ZCCHC2: variants seen among roughly 807,000 people sequenced by gnomAD.
The protein encoded by ZCCHC2 is zinc finger CCHC domain-containing protein 2.
In ZCCHC2, 39 loss-of-function variants were observed where a neutral mutation model predicts 103.6. The observed-to-expected ratio is 0.38, with a 90% CI of 0.29 to 0.49. The LOEUF is 0.49. Among genes scored for constraint, ZCCHC2 ranks in the 20% least tolerant of loss-of-function variants. The probability of loss-of-function intolerance (pLI) is 0.96; values close to 1 mark genes in which losing one functional copy is unlikely to be tolerated. For synonymous variants in ZCCHC2, 687 were observed against 608.9 expected, an observed-to-expected ratio of 1.13 and a Z score of -1.89; for missense variants, 1,483 against 1,491.0, an observed-to-expected ratio of 0.99 and a Z score of 0.09.
chr18:62,523,563 C>G lies in ZCCHC2; in HGVS notation c.139C>G (p.Pro47Ala). ...CCGCGACTGCCGCCCCCCGCCGCCGCCGCCGCCGCCCGCGGGCCCGTCGCG... is the reference window on the plus strand; with the variant it reads ...CCGCGACTGCCGCCCCCCGCCGCCGGCGCCGCCGCCCGCGGGCCCGTCGCG... ...RRRDCRPPPP[P>A]PPPAGPSRGP... Residue 47 changes from proline (P) to alanine (A), a missense_variant, in exon 1 of 14, where the codon CCG becomes GCG. By Grantham distance (27) the Pro-to-Ala change is conservative (BLOSUM62 -1). This residue lies in a region of ZCCHC2 where 568 missense variants were observed against 525.1 expected (regional missense o/e 1.08). Coordinates refer to ENST00000269499, the MANE Select transcript of ZCCHC2 (RefSeq NM_017742.6). 1.0e-6 allele frequency: 1 copy of G among 958,354 alleles called. No individual in the cohort carries two copies. Among genetic ancestry groups the G allele is most frequent in the East Asian group, 1.2e-4 (1 of 8,330 alleles). 59.4% of individuals were successfully genotyped at this position (958,354 alleles called of 1,614,324 possible).
At chr18:62,541,730 T>G (rs1915191840) in intron 2 of ZCCHC2, among the ~76,000 whole-genome samples, 1 of 152,204 alleles carries the variant, frequency 6.6e-6, no homozygotes, top group Non-Finnish European at 1.5e-5. Context: ...CTTTGTAGAT[T>G]GGCTCTTTTG....
At chr18:62,544,261 A>G (rs1418544853) in intron 3 of ZCCHC2, among the ~76,000 whole-genome samples, 6 of 152,196 alleles carry the variant, frequency 3.9e-5, no homozygotes, top group Non-Finnish European at 8.8e-5. Context: ...CTCCATCTCA[A>G]AATGGAAGTC....
intron 11 of ZCCHC2, among the ~76,000 whole-genome samples, chr18:62,567,476 A>G (rs938268477): frequency 6.6e-6 from 1 of 152,258 alleles, no homozygotes; most frequent in Non-Finnish European, 1.5e-5. Context: ...TGTAGCTCAG[A>G]ATTTCAAAAG....
intron 1 of ZCCHC2, among the ~76,000 whole-genome samples, chr18:62,533,504 G>T (rs1285700267): frequency 2.0e-5 from 3 of 151,932 alleles, no homozygotes; most frequent in Non-Finnish European, 4.4e-5. Context: ...CAACCAGGGT[G>T]ACAGAGTCAG....
At chr18:62,562,982 A>G (rs755038763) in intron 8 of ZCCHC2, 27 bp from the exon 9 acceptor site, 4 of 1,592,008 alleles carry the variant, frequency 2.5e-6, no homozygotes, top group Non-Finnish European at 3.4e-6. Flanking sequence ...GCAGATTTTC[A>G]CACTTTCATA....
At chr18:62,529,109 G>C (rs1355839025) in intron 1 of ZCCHC2, among the ~76,000 whole-genome samples, 2 of 136,370 alleles carry the variant, frequency 1.5e-5, no homozygotes, top group Admixed American at 1.7e-4. Context: ...GTAGTCAGCC[G>C]AGATCACGCC....
intron 8 of ZCCHC2, among the ~76,000 whole-genome samples, chr18:62,561,033 G>A (rs762699939): frequency 2.6e-5 from 4 of 152,136 alleles, no homozygotes; most frequent in Admixed American, 2.0e-4. Context: ...CTTGTAAGCC[G>A]TGGCTGTCAT....
chr18:62,552,479 G>C (rs1915706640), intron 5 of ZCCHC2: 1 of 152,226 alleles, frequency 6.6e-6, no homozygotes, highest in African/African-American at 2.4e-5. Context: ...CATTACACTA[G>C]GTATTTATGG....
At chr18:62,564,761 T>C in intron 10 of ZCCHC2, 126 bp downstream of exon 10, 1 of 830,630 alleles carries the variant, frequency 1.2e-6, no homozygotes, top group Non-Finnish European at 1.8e-6. Context: ...GGTTTTACTC[T>C]TTTGGTTCAA....
intron 5 of ZCCHC2, chr18:62,552,022 G>C (rs1239493582): frequency 6.6e-6 from 1 of 152,188 alleles, no homozygotes; most frequent in African/African-American, 2.4e-5. Context: ...CTGAAAAGAA[G>C]GGGATGAGTG....
intron 1 of ZCCHC2, among the ~76,000 whole-genome samples, chr18:62,532,296 C>T (rs1914716273): frequency 6.6e-6 from 1 of 152,200 alleles, no homozygotes; most frequent in South Asian, 2.1e-4. Flanking sequence ...TACTTGATGA[C>T]CTTGATCGTC....
intron 14 of ZCCHC2, among the ~76,000 whole-genome samples, chr18:62,583,667 A>ACCC (rs71893758): frequency 2.6e-4 from 39 of 147,310 alleles, no homozygotes; most frequent in African/African-American, 8.6e-4. Context: ...AAAAATACTG[A>ACCC]CCCCCCCCTC....
intron 2 of ZCCHC2, among the ~76,000 whole-genome samples, chr18:62,541,797 T>C (rs1915195923): frequency 6.6e-6 from 1 of 152,152 alleles, no homozygotes. Flanking sequence ...AAATGGATAG[T>C]TGGGGGATTT....
intron 2 of ZCCHC2, 127 bp downstream of exon 2, chr18:62,539,919 C>A (rs1254265270): frequency 4.1e-6 from 3 of 738,710 alleles, no homozygotes; most frequent in Admixed American, 5.3e-5. Flanking sequence ...TGGTCCTAGG[C>A]TTCACTCAAG....
Position 62,523,234 on chromosome 18 carries a change from A to G in ZCCHC2, c.-191A>G. ...CACGCCCCGCCCCCAGCCCGGGAAG[A>G]CGACGCCAGCGACCCCGCCGGCCGG... On this transcript the variant is annotated 5_prime_UTR_variant, in exon 1 of 14. Transcript: ENST00000269499. 3.3e-6 allele frequency: 1 copy of G among 299,706 alleles called. No homozygotes were observed. The highest frequency in any genetic ancestry group is 4.9e-6 in the Non-Finnish European group (1 of 203,888). The allele number at this position is 299,706 out of a possible 1,614,324, so 18.6% of individuals were successfully genotyped here. A position where few individuals can be genotyped will look rare whatever the true frequency, so the allele number is the denominator to read the frequency against.
intron 2 of ZCCHC2, among the ~76,000 whole-genome samples, chr18:62,542,164 G>A (rs1173282361): frequency 6.6e-6 from 1 of 152,064 alleles, no homozygotes; most frequent in African/African-American, 2.4e-5. Context: ...ATAACAAGTT[G>A]GAAGATTATC....
chr18:62,568,204 G>C (rs1025008918), intron 11 of ZCCHC2, among the ~76,000 whole-genome samples: 1 of 152,004 alleles, frequency 6.6e-6, no homozygotes, highest in Non-Finnish European at 1.5e-5. Context: ...CCAATTTCCA[G>C]TATTTTTAGT....
At chr18:62,542,607 G>T in intron 3 of ZCCHC2, 33 bp downstream of exon 3, 1 of 1,521,606 alleles carries the variant, frequency 6.6e-7, no homozygotes, top group Non-Finnish European at 8.9e-7. Flanking sequence ...GATACCTCAC[G>T]TGCTGTGCTC....
chr18:62,524,352 C>A lies in ZCCHC2; in HGVS notation c.928C>A (p.Pro310Thr). ...GGTAGAGCCGTGCAAGTTTGCCGGC[C>A]CCAGGGCCCAGGTAAGGCGCACGGA... ...VEVEPCKFAG[P>T]RAQNNSAHGD... The change falls in exon 1 of 14, where the codon CCC becomes ACC. Residue 310 changes from proline to threonine, a missense_variant. Pro to Thr is a conservative substitution (Grantham distance 38). Around this residue, in one of 3 missense-constraint regions of ZCCHC2, gnomAD observed 568 missense variants for 525.1 expected, o/e 1.08. Transcript: ENST00000269499. 6.6e-7 allele frequency: 1 copy of A among 1,523,144 alleles called. No individual in the cohort carries two copies. 94.4% of individuals were successfully genotyped at this position (1,523,144 alleles called of 1,614,324 possible).
Sources: allele counts gnomAD v4.1 joint callset (sites outside exome capture counted in the v4.1 genomes callset), GRCh38; gene constraint gnomAD v4.1.1; regional missense constraint gnomAD v4.1.1; transcripts MANE v1.5; gene names NCBI Gene and HGNC (gene_info 2026-07-23, HGNC 2026-07-21).